The following KDM4C variants were observed in gnomAD, a reference collection of about 807,000 sequenced individuals.
KDM4C encodes the protein lysine demethylase 4C.
In KDM4C, 81 loss-of-function variants were observed where a neutral mutation model predicts 129.3. The ratio of observed to expected loss-of-function variants is 0.63; its 90% CI spans 0.52 to 0.75. KDM4C has a LOEUF of 0.75. KDM4C is among the 30% of genes least tolerant of loss of function. The pLI, the probability that KDM4C is intolerant of heterozygous loss-of-function variation, is 0.00. For missense variants in KDM4C, 1,457 were observed against 1,304.0 expected (o/e 1.12, Z -1.81); for synonymous variants, 573 against 456.1 (o/e 1.26, Z -3.26).
chr9:6,830,143 A>G (rs1303323776), intron 4 of KDM4C, among the ~76,000 whole-genome samples: 1 of 152,226 alleles, frequency 6.6e-6, no homozygotes, highest in Admixed American at 6.5e-5. Context: ...AGAAATACGG[A>G]TACAAATTGT....
At chr9:7,043,594 A>G (rs1399693846) in intron 15 of KDM4C, among the ~76,000 whole-genome samples, 1 of 152,106 alleles carries the variant, frequency 6.6e-6, no homozygotes, top group East Asian at 1.9e-4. Context: ...TGGCATCTTT[A>G]TGTTTTTACC....
chr9:7,127,624 G>C (rs1840161246), intron 18 of KDM4C, among the ~76,000 whole-genome samples: 1 of 152,180 alleles, frequency 6.6e-6, no homozygotes, highest in Non-Finnish European at 1.5e-5. Context: ...TGGATTCTGT[G>C]CTTGGGAGTT....
intron 12 of KDM4C, among the ~76,000 whole-genome samples, chr9:6,997,555 A>T (rs1819992898): frequency 6.6e-6 from 1 of 152,228 alleles, no homozygotes; most frequent in South Asian, 2.1e-4. Context: ...TAGGCTGGCG[A>T]TTCATGCCTC....
At chr9:7,162,632 G>T (rs1185703271) in intron 19 of KDM4C, among the ~76,000 whole-genome samples, 2 of 152,102 alleles carry the variant, frequency 1.3e-5, no homozygotes, top group African/African-American at 4.8e-5. Context: ...GCTCTCCTTG[G>T]TGATATGGTA....
At chr9:6,885,762 A>G (rs1297184341) in intron 6 of KDM4C, among the ~76,000 whole-genome samples, 3 of 152,218 alleles carry the variant, frequency 2.0e-5, no homozygotes, top group Non-Finnish European at 4.4e-5. Flanking sequence ...TACTTTGTAC[A>G]TAAGATGCGT....
At chr9:7,072,046 A>G (rs1234124832) in intron 17 of KDM4C, among the ~76,000 whole-genome samples, 6 of 152,236 alleles carry the variant, frequency 3.9e-5, no homozygotes, top group Non-Finnish European at 7.3e-5. Flanking sequence ...ACATAAGTAC[A>G]TGACAAAATG....
intron 1 of KDM4C, among the ~76,000 whole-genome samples, chr9:6,780,434 A>G (rs2130754265): frequency 6.6e-6 from 1 of 151,818 alleles, no homozygotes; most frequent in African/African-American, 2.4e-5. Context: ...AAGTATCCTA[A>G]TTCTCATACT....
At chr9:6,774,540 C>T (rs1822597093) in intron 1 of KDM4C, among the ~76,000 whole-genome samples, 1 of 152,052 alleles carries the variant, frequency 6.6e-6, no homozygotes, top group South Asian at 2.1e-4. Flanking sequence ...TGGCACACAC[C>T]CGTAATCCCA....
chr9:7,133,911 A>C (rs552090015), intron 19 of KDM4C, among the ~76,000 whole-genome samples: 59 of 152,206 alleles, frequency 3.9e-4, no homozygotes, highest in Non-Finnish European at 6.5e-4. Flanking sequence ...TGCCTCCTAG[A>C]TTTTGAGGTG....
intron 19 of KDM4C, among the ~76,000 whole-genome samples, chr9:7,157,589 T>G (rs1843325061): frequency 6.6e-6 from 1 of 152,244 alleles, no homozygotes; most frequent in Non-Finnish European, 1.5e-5. Context: ...GTCGAAGGCC[T>G]TTTCTGCATC....
Position 7,104,338 on chromosome 9 carries a change from G to C in KDM4C, c.2610+468G>C, listed in dbSNP as rs539118537. ...CCTTTAGAAGAAACAAAGAGCAGCA[G>C]CACAGTAAAGGAAGAGGTAGGATGG... On this transcript the variant is annotated intron_variant, in intron 18 of 21. Transcript: ENST00000381309. 6 of 154,532 alleles carry C rather than the reference G, an allele frequency of 3.9e-5. No homozygotes were observed. The South Asian group carries it at 1.2e-3, about 31-fold the overall frequency. 9.6% of individuals were successfully genotyped at this position (154,532 alleles called of 1,614,324 possible).
chr9:7,065,439 T>C, intron 17 of KDM4C, among the ~76,000 whole-genome samples: 1 of 152,216 alleles, frequency 6.6e-6, no homozygotes, highest in East Asian at 1.9e-4. Context: ...CTGTTGCTTA[T>C]AATTGAATTT....
chr9:7,014,663 C>T (rs531782035), intron 14 of KDM4C, among the ~76,000 whole-genome samples: 5 of 151,990 alleles, frequency 3.3e-5, no homozygotes, highest in Non-Finnish European at 7.4e-5. Context: ...CAGATCTTAC[C>T]AAATCACACA....
At chr9:7,068,871 A>AT (rs1200474106) in intron 17 of KDM4C, among the ~76,000 whole-genome samples, 1 of 151,178 alleles carries the variant, frequency 6.6e-6, no homozygotes, top group Non-Finnish European at 1.5e-5. Context: ...TAGTTTTTGT[A>AT]TTTTTAGTAG....
At chr9:6,817,927 C>T (rs1361829250) in intron 4 of KDM4C, among the ~76,000 whole-genome samples, 1 of 151,926 alleles carries the variant, frequency 6.6e-6, no homozygotes, top group Non-Finnish European at 1.5e-5. Flanking sequence ...ACACCATGCC[C>T]AGCGAATTTT....
intron 8 of KDM4C, among the ~76,000 whole-genome samples, chr9:6,964,548 CAT>C (rs1444797333): frequency 6.6e-6 from 1 of 152,030 alleles, no homozygotes; most frequent in East Asian, 1.9e-4. Flanking sequence ...CCACAGTAAA[CAT>C]ACATGTGCAT....
intron 17 of KDM4C, among the ~76,000 whole-genome samples, chr9:7,060,518 T>A (rs1831495371): frequency 6.6e-6 from 1 of 150,990 alleles, no homozygotes; most frequent in Non-Finnish European, 1.5e-5. Context: ...AGTCTTGGTC[T>A]GTCACCAGGC....
At chr9:7,130,427 A>G (rs867189760) in intron 19 of KDM4C, among the ~76,000 whole-genome samples, 34 of 152,192 alleles carry the variant, frequency 2.2e-4, no homozygotes, top group South Asian at 1.4e-3. Flanking sequence ...CTTTCCTTTG[A>G]CACCCTCCAT....
At chr9:6,945,733 T>G (rs957500001) in intron 8 of KDM4C, among the ~76,000 whole-genome samples, 4 of 152,204 alleles carry the variant, frequency 2.6e-5, no homozygotes, top group African/African-American at 9.6e-5. Flanking sequence ...GCTTGGCTTT[T>G]AATCTAAGGT....
Sources: gnomAD v4.1 joint callset for allele counts (sites outside exome capture counted in the v4.1 genomes callset) on GRCh38, gnomAD v4.1.1 for gene constraint, MANE v1.5 for transcripts, NCBI Gene and HGNC (gene_info 2026-07-23, HGNC 2026-07-21) for gene names.